Variants in CASP6 observed in about 807,000 individuals in gnomAD.
CASP6 encodes caspase-6.
CASP6 carries 20 observed loss-of-function variants against 31.8 expected under a neutral mutation model. That is an observed-to-expected ratio of 0.63 (90% CI 0.44 to 0.91). CASP6 has a LOEUF of 0.91. CASP6 is among the 40% of genes least tolerant of loss of function. The pLI is 0.00. For missense variants in CASP6, 328 were observed against 361.1 expected (o/e 0.91, Z 0.74); for synonymous variants, 130 against 127.8 (o/e 1.02, Z -0.12).
At chr4:109,682,266 T>C in the CASP6 span, among the ~76,000 whole-genome samples, 1 of 152,084 alleles carries the variant, frequency 6.6e-6, no homozygotes, top group Admixed American at 6.5e-5. Context: ...TGTAGCTGCT[T>C]ATGCTCAATT....
At chr4:109,694,434 G>T in intron 5 of CASP6, 91 bp downstream of exon 5, 1 of 1,208,306 alleles carries the variant, frequency 8.3e-7, no homozygotes, top group Non-Finnish European at 1.1e-6. Flanking sequence ...AATTACTGGA[G>T]AAAGTTACTT....
chr4:109,669,540 G>T, the CASP6 span, among the ~76,000 whole-genome samples: 4 of 151,966 alleles, frequency 2.6e-5, no homozygotes, highest in African/African-American at 9.7e-5. Flanking sequence ...TGAGCTTCCT[G>T]GATCTGTGGT....
chr4:109,672,567 A>G, the CASP6 span, among the ~76,000 whole-genome samples: 2 of 152,220 alleles, frequency 1.3e-5, no homozygotes, highest in Non-Finnish European at 2.9e-5. Context: ...ATTGGTGATA[A>G]AAGAAATAGA....
At chr4:109,694,298 T>C (rs1730170137) in intron 5 of CASP6, among the ~76,000 whole-genome samples, 1 of 152,182 alleles carries the variant, frequency 6.6e-6, no homozygotes, top group South Asian at 2.1e-4. Context: ...GGTTACTTTG[T>C]GAGTCACTTC....
chr4:109,708,208 A>T (rs759438698), upstream of CASP6, among the ~76,000 whole-genome samples: 21 of 152,216 alleles, frequency 1.4e-4, no homozygotes, highest in Non-Finnish European at 2.6e-4. Context: ...GTTTTTACTC[A>T]AACCATTTAC....
upstream of CASP6, among the ~76,000 whole-genome samples, chr4:109,704,971 C>T (rs1001026412): frequency 9.8e-5 from 15 of 152,314 alleles, no homozygotes; most frequent in African/African-American, 3.4e-4. Flanking sequence ...TCCCAAAGTG[C>T]TGGGATTACA....
At chr4:109,694,317 A>G (rs948859236) in intron 5 of CASP6, among the ~76,000 whole-genome samples, 4 of 152,094 alleles carry the variant, frequency 2.6e-5, no homozygotes, top group African/African-American at 9.7e-5. Flanking sequence ...TCAAATCTCA[A>G]TCCAAATGCT....
the CASP6 span, among the ~76,000 whole-genome samples, chr4:109,670,621 C>T: frequency 3.6e-3 from 548 of 151,588 alleles, 6 homozygotes; most frequent in East Asian, 0.013. Flanking sequence ...GAGGCTGAGG[C>T]AGGAGAATCG....
At chr4:109,683,502 C>G in the CASP6 span, among the ~76,000 whole-genome samples, 2 of 151,984 alleles carry the variant, frequency 1.3e-5, no homozygotes, top group Non-Finnish European at 2.9e-5. Context: ...TAAAGTTTTC[C>G]TCCCACCCTG....
At chr4:109,702,268 A>T (rs969193215) in intron 1 of CASP6, among the ~76,000 whole-genome samples, 1 of 152,114 alleles carries the variant, frequency 6.6e-6, no homozygotes, top group Non-Finnish European at 1.5e-5. Flanking sequence ...TCCTTTGTGC[A>T]GCAAAATATA....
chr4:109,679,016 G>A, the CASP6 span, among the ~76,000 whole-genome samples: 3 of 150,808 alleles, frequency 2.0e-5, no homozygotes, highest in Non-Finnish European at 4.4e-5. Context: ...TAGATGGGGT[G>A]GCAGCTGGGC....
upstream of CASP6, among the ~76,000 whole-genome samples, chr4:109,704,995 G>GTTGTT (rs1730554007): frequency 6.6e-6 from 1 of 152,146 alleles, no homozygotes; most frequent in Non-Finnish European, 1.5e-5. Flanking sequence ...GTGAGCCACC[G>GTTGTT]TGCCCAGCCA....
upstream of CASP6, among the ~76,000 whole-genome samples, chr4:109,707,600 G>A (rs915076543): frequency 1.3e-5 from 2 of 152,000 alleles, no homozygotes; most frequent in East Asian, 1.9e-4. Context: ...TGGTCAGGCT[G>A]GTATCAAACT....
the CASP6 span, among the ~76,000 whole-genome samples, chr4:109,672,456 T>A: frequency 3.9e-5 from 6 of 152,216 alleles, no homozygotes; most frequent in African/African-American, 7.2e-5. Flanking sequence ...AGTTTAAGAA[T>A]TCTGGCTAGT....
At chr4:109,696,511 T>G (rs1485220413) in intron 3 of CASP6, 25 bp from the exon 4 acceptor site, 5 of 1,540,138 alleles carry the variant, frequency 3.2e-6, no homozygotes, top group Non-Finnish European at 4.5e-6. Flanking sequence ...AATGAAATGT[T>G]AGCCTATAAA....
chr4:109,698,410 C>A (rs962635145), intron 1 of CASP6, 68 bp from the exon 2 acceptor site: 1 of 1,355,066 alleles, frequency 7.4e-7, no homozygotes, highest in Admixed American at 1.9e-5. Flanking sequence ...TAGGAACTCC[C>A]ATCCCCCTTC....
chr4:109,704,344 T>A (rs1009979816), upstream of CASP6, among the ~76,000 whole-genome samples: 1 of 152,014 alleles, frequency 6.6e-6, no homozygotes, highest in African/African-American at 2.4e-5. Flanking sequence ...AAGGAAAAAA[T>A]TTTGAAGGAA....
chr4:109,678,937 A>AAT, the CASP6 span, among the ~76,000 whole-genome samples: 1 of 70,620 alleles, frequency 1.4e-5, no homozygotes, highest in South Asian at 5.3e-4. Flanking sequence ...CATCCCAGAC[A>AAT]GGGTGGCCGG....
At chr4:109,686,144 A>G (rs991115703), downstream of CASP6, among the ~76,000 whole-genome samples, 4 of 152,216 alleles carry the variant, frequency 2.6e-5, no homozygotes, top group Admixed American at 2.6e-4. Context: ...GGACGTTTTA[A>G]TTTAAATTTT....
Sources: gnomAD v4.1 joint callset for allele counts (sites outside exome capture counted in the v4.1 genomes callset) on GRCh38, gnomAD v4.1.1 for gene constraint, MANE v1.5 for transcripts, NCBI Gene and HGNC (gene_info 2026-07-23, HGNC 2026-07-21) for gene names.